The following USP29 variants were observed in gnomAD, a reference collection of about 807,000 sequenced individuals.
The protein encoded by USP29 is ubiquitin specific peptidase 29, also known as ubiquitin carboxyl-terminal hydrolase 29.
For missense variants in USP29, 1,102 were observed against 1,069.0 expected (o/e 1.03, Z -0.43); for synonymous variants, 386 against 387.4 (o/e 1.00, Z 0.04).
At position 57,131,551 on chromosome 19, in the gene USP29, T is replaced by G; in HGVS notation, c.*107T>G. 2 of 1,472,734 alleles carry G rather than the reference T, an allele frequency of 1.4e-6. No individual in the cohort carries two copies. Among genetic ancestry groups the G allele is most frequent in the Non-Finnish European group, 9.0e-7 (1 of 1,107,138 alleles). The allele number at this position is 1,472,734 out of a possible 1,614,324, so 91.2% of individuals were successfully genotyped here. On this transcript the variant is annotated 3_prime_UTR_variant, in exon 4 of 4. Transcript: ENST00000254181. ...GAATGAAGGAACAAGTATCTCAGGA[T>G]GAAATCTCAATGAAAAACACTTATT...
At chr19:57,121,044 G>T (rs1264335427) in intron 1 of USP29, among the ~76,000 whole-genome samples, 2 of 150,370 alleles carry the variant, frequency 1.3e-5, no homozygotes, top group Non-Finnish European at 3.0e-5. Context: ...GCAGTGAGCC[G>T]AGATCACGCC....
chr19:57,126,757 C>G (rs990509640), intron 3 of USP29, among the ~76,000 whole-genome samples: 1 of 152,094 alleles, frequency 6.6e-6, no homozygotes, highest in Admixed American at 6.5e-5. Flanking sequence ...AAGCCTAGTT[C>G]TATCAATTCA....
chr19:57,121,397 A>G (rs895036768), intron 1 of USP29, among the ~76,000 whole-genome samples: 4 of 142,822 alleles, frequency 2.8e-5, no homozygotes, highest in Non-Finnish European at 4.5e-5. Flanking sequence ...ATATACTTAT[A>G]TATGTTATAC....
chr19:57,125,647 C>G (rs748563400), intron 3 of USP29, among the ~76,000 whole-genome samples: 1 of 151,818 alleles, frequency 6.6e-6, no homozygotes, highest in South Asian at 2.1e-4. Context: ...TATTTTGAGC[C>G]TATGTATGTC....
At chr19:57,121,525 C>T (rs544245757) in intron 1 of USP29, among the ~76,000 whole-genome samples, 4 of 141,076 alleles carry the variant, frequency 2.8e-5, no homozygotes, top group African/African-American at 5.3e-5. Flanking sequence ...CTTATATATG[C>T]TATATATACT....
At chr19:57,126,349 T>C (rs1429320630) in intron 3 of USP29, among the ~76,000 whole-genome samples, 1 of 152,190 alleles carries the variant, frequency 6.6e-6, no homozygotes, top group African/African-American at 2.4e-5. Context: ...TCCCAAAGTG[T>C]GTTTTCCAAC....
At chr19:57,119,284 G>A (rs2086780316), upstream of USP29, 2 of 152,252 alleles carry the variant, frequency 1.3e-5, no homozygotes, top group African/African-American at 4.8e-5. Context: ...AGACTTGGGG[G>A]CTTGTGGCCG....
In USP29 at chr19:57,131,409, G is replaced by T. The variant is rs2086860400; in HGVS notation, c.2734G>T (p.Glu912Ter). Residue 912 changes from glutamate (E) to a stop codon, truncating the protein, a stop_gained, in exon 4 of 4, where the codon GAA (glutamate) becomes TAA (stop). Coordinates refer to ENST00000254181, the MANE Select transcript of USP29 (RefSeq NM_020903.3). LOFTEE classifies it low-confidence loss of function (END_TRUNC). ...ACAGGCAGGGGTGATCCCTCAGGGG[G>T]AATACGAAGGTGACTCTTTGTACAG... is the stretch of plus-strand genomic sequence containing the variant. The part of the protein sequence containing the change: ...STQAGVIPQG[E>*]YEGDSLYRPA 5 of 1,613,712 alleles carry T rather than the reference G, an allele frequency of 3.1e-6. No homozygotes were observed. Among genetic ancestry groups the T allele is most frequent in the East Asian group, 4.5e-5 (2 of 44,882 alleles).
upstream of USP29, chr19:57,119,210 G>A (rs2086779823): frequency 6.6e-6 from 1 of 152,238 alleles, no homozygotes; most frequent in African/African-American, 2.4e-5. Context: ...CGGGGACGAC[G>A]TCACCCGTGA....
chr19:57,130,234 G>T lies in USP29; in HGVS notation c.1559G>T (p.Trp520Leu). 6.2e-7 allele frequency: 1 copy of T among 1,614,100 alleles called. No homozygotes were observed. Among genetic ancestry groups the T allele is most frequent in the African/African-American group, 1.3e-5 (1 of 75,034 alleles). Residue 520 changes from tryptophan to leucine, a missense_variant, in exon 4 of 4, where the codon TGG becomes TTG. Physicochemically the swap from Trp to Leu is moderately conservative, Grantham distance 61. Coordinates refer to ENST00000254181, the MANE Select transcript of USP29 (RefSeq NM_020903.3). ...HLKRYSFNNA[W>L]LLVKNNEQVY... is the part of the protein sequence containing the mutation. ...AAACGCTATAGCTTCAACAATGCTT[G>T]GTTGCTGGTGAAGAATAACGAGCAA...
At position 57,130,924 on chromosome 19, in the gene USP29, C is replaced by T; in HGVS notation, c.2249C>T (p.Ala750Val). Reference protein sequence around the residue: ...ESIIDEFLQQAPPPGVRKLDA... With the variant: ...ESIIDEFLQQVPPPGVRKLDA... ...ATCATAGATGAATTTCTTCAGCAGGCACCACCTCCAGGTGTTAGGAAGCTG... is the reference window on the plus strand; with the variant it reads ...ATCATAGATGAATTTCTTCAGCAGGTACCACCTCCAGGTGTTAGGAAGCTG... The change falls in exon 4 of 4, where the codon GCA (alanine) becomes GTA (valine). Residue 750 changes from alanine (A) to valine (V), a missense_variant. Coordinates refer to ENST00000254181, the MANE Select transcript of USP29 (RefSeq NM_020903.3). The T allele has an allele frequency of 1.2e-6, 2 of 1,614,160 alleles. No homozygotes were observed. The highest frequency in any genetic ancestry group is 1.7e-6 in the Non-Finnish European group (2 of 1,180,032).
chr19:57,122,128 A>G (rs773896187), intron 1 of USP29, among the ~76,000 whole-genome samples, 197 bp from the exon 2 acceptor site: 1 of 152,222 alleles, frequency 6.6e-6, no homozygotes, highest in South Asian at 2.1e-4. Context: ...AAAAGTTTTT[A>G]ATTACCAATT....
intron 2 of USP29, 39 bp downstream of exon 2, chr19:57,122,513 ATGTGTGTGTGTGTGTGTGTGTG>A (rs761754087): frequency 7.4e-6 from 1 of 135,420 alleles, no homozygotes; most frequent in South Asian, 2.5e-4. Flanking sequence ...GGGTGATGGG[ATGTGTGTGTGTGTGTGTGTGTG>A]TGTGTGTGTG....
At chr19:57,126,533 T>A (rs1307878043) in intron 3 of USP29, among the ~76,000 whole-genome samples, 1 of 151,956 alleles carries the variant, frequency 6.6e-6, no homozygotes, top group African/African-American at 2.4e-5. Context: ...ATGTCCTTTA[T>A]TCTGCTTGAT....
In USP29 at chr19:57,131,438, T is replaced by C; in HGVS notation, c.2763T>C (p.Pro921=). ...GEYEGDSLYR[P]A ...ACGAAGGTGACTCTTTGTACAGACC[T>C]GCTTGACAGACTCACTCGGCCTCAC... The change falls in exon 4 of 4, where the codon CCT becomes CCC. Residue 921 remains proline, a synonymous_variant. Transcript: ENST00000254181. The C allele has an allele frequency of 6.2e-7, 1 of 1,602,534 alleles. No homozygotes were observed. The highest frequency in any genetic ancestry group is 8.5e-7 in the Non-Finnish European group (1 of 1,174,884).
At position 57,131,591 on chromosome 19, in the gene USP29, A is replaced by G; in HGVS notation, c.*147A>G. The G allele has an allele frequency of 7.6e-7, 1 of 1,314,288 alleles. No homozygotes were observed. Among genetic ancestry groups the G allele is most frequent in the Non-Finnish European group, 1.0e-6 (1 of 966,232 alleles). The allele number at this position is 1,314,288 out of a possible 1,614,324, so 81.4% of individuals were successfully genotyped here. A position where few individuals can be genotyped will look rare whatever the true frequency, so the allele number is the denominator to read the frequency against. On this transcript the variant is annotated 3_prime_UTR_variant, in exon 4 of 4. Transcript: ENST00000254181. ...AAACACTTATTTTGGGGGAATATCT[A>G]TTTTAACTGCTTCAGACACCTAGAT...
In USP29 at chr19:57,128,773, A is replaced by G; in HGVS notation, c.98A>G (p.Gln33Arg). ...KEALIETVQRQKEIKLVVTFK... is the reference protein window; with the variant it reads ...KEALIETVQRRKEIKLVVTFK... Reference sequence around the variant, plus strand: ...GCTCTCATTGAAACAGTGCAAAGACAAAAGGAAATTAAACTGGTGGTCACT... The same window carrying G: ...GCTCTCATTGAAACAGTGCAAAGACGAAAGGAAATTAAACTGGTGGTCACT... The change falls in exon 4 of 4, where the codon CAA (glutamine) becomes CGA (arginine). Residue 33 changes from glutamine to arginine, a missense_variant. By Grantham distance (43) the Gln-to-Arg change is conservative. Transcript: ENST00000254181. The G allele has an allele frequency of 6.2e-7, 1 of 1,613,962 alleles. No homozygotes were observed. Among genetic ancestry groups the G allele is most frequent in the Non-Finnish European group, 8.5e-7 (1 of 1,179,960 alleles).
chr19:57,131,523 T>C lies in USP29; in HGVS notation c.*79T>C. ...TTGCAAAGAGAATCCTGTACTTCAC[T>C]CAGAATGAAGGAACAAGTATCTCAG... On this transcript the variant is annotated 3_prime_UTR_variant, in exon 4 of 4. Transcript: ENST00000254181. The C allele has an allele frequency of 2.7e-6, 4 of 1,502,800 alleles. No individual in the cohort carries two copies. Among genetic ancestry groups the C allele is most frequent in the Non-Finnish European group, 3.5e-6 (4 of 1,127,660 alleles). The allele number at this position is 1,502,800 out of a possible 1,614,324, so 93.1% of individuals were successfully genotyped here.
chr19:57,129,568 C>T lies in USP29; in HGVS notation c.893C>T (p.Ala298Val). ...TTGGGAAACACCTGTTACATGAATG[C>T]AGTTTTACAATCGCTATTTGCAATT... ...PNLGNTCYMN[A>V]VLQSLFAIPS... Residue 298 changes from alanine to valine, a missense_variant, in exon 4 of 4, where the codon GCA becomes GTA. Physicochemically the swap from Ala to Val is moderately conservative, Grantham distance 64 (BLOSUM62 0). Coordinates refer to ENST00000254181, the MANE Select transcript of USP29 (RefSeq NM_020903.3). The T allele has an allele frequency of 6.2e-7, 1 of 1,614,204 alleles. No individual in the cohort carries two copies. Among genetic ancestry groups the T allele is most frequent in the Non-Finnish European group, 8.5e-7 (1 of 1,180,038 alleles).
Sources: gnomAD v4.1 joint callset for allele counts (sites outside exome capture counted in the v4.1 genomes callset) on GRCh38, gnomAD v4.1.1 for gene constraint, MANE v1.5 for transcripts, NCBI Gene and HGNC (gene_info 2026-07-23, HGNC 2026-07-21) for gene names.